NDUFS4: variants seen among roughly 807,000 people sequenced by gnomAD.
NDUFS4 encodes NADH:ubiquinone oxidoreductase subunit S4, also known as NADH dehydrogenase [ubiquinone] iron-sulfur protein 4, mitochondrial.
Under a neutral mutation model 24.3 loss-of-function variants are expected in NDUFS4, and 28 were observed. The observed-to-expected ratio is 1.15, with a 90% CI of 0.85 to 1.58. The LOEUF is 1.58. Among genes scored for constraint, NDUFS4 ranks in the 40% most tolerant of loss-of-function variants. The pLI is 0.00. For synonymous variants in NDUFS4, 93 were observed against 69.7 expected, an observed-to-expected ratio of 1.34 and a Z score of -1.67; for missense variants, 223 against 207.9, an observed-to-expected ratio of 1.07 and a Z score of -0.45.
chr5:53,634,954 C>T (rs569731522), intron 2 of NDUFS4, among the ~76,000 whole-genome samples: 3 of 151,948 alleles, frequency 2.0e-5, no homozygotes, highest in Admixed American at 6.6e-5. Context: ...TTTGGGAGGC[C>T]GAGGCGGGTA....
At chr5:53,623,792 C>G (rs1222391868) in intron 2 of NDUFS4, among the ~76,000 whole-genome samples, 3 of 152,144 alleles carry the variant, frequency 2.0e-5, no homozygotes, top group Admixed American at 2.0e-4. Context: ...AATCTCGGCT[C>G]ACTACAACCT....
At chr5:53,640,860 G>A (rs1391360431) in intron 2 of NDUFS4, among the ~76,000 whole-genome samples, 2 of 152,082 alleles carry the variant, frequency 1.3e-5, no homozygotes, top group Admixed American at 1.3e-4. Context: ...AATATGACAT[G>A]CCTGTAATCA....
chr5:53,580,855 T>C (rs1021697065), intron 1 of NDUFS4, among the ~76,000 whole-genome samples: 2 of 151,714 alleles, frequency 1.3e-5, no homozygotes, highest in Admixed American at 6.6e-5. Context: ...TTCTTTCTTT[T>C]GGAGTTTCGC....
At chr5:53,584,942 A>G (rs1456585101) in intron 1 of NDUFS4, among the ~76,000 whole-genome samples, 2 of 151,592 alleles carry the variant, frequency 1.3e-5, no homozygotes, top group African/African-American at 4.9e-5. Flanking sequence ...TAGTTTTTCT[A>G]TTTTTAGTAG....
chr5:53,601,184 T>C (rs1283092133), intron 1 of NDUFS4, among the ~76,000 whole-genome samples: 3 of 151,960 alleles, frequency 2.0e-5, no homozygotes, highest in Non-Finnish European at 2.9e-5. Flanking sequence ...TTTGTATTTT[T>C]AGTAGAGACG....
chr5:53,591,187 A>T (rs143290579), intron 1 of NDUFS4, among the ~76,000 whole-genome samples: 5 of 152,300 alleles, frequency 3.3e-5, no homozygotes, highest in Non-Finnish European at 5.9e-5. Context: ...GCCAGTGGAC[A>T]GTAGGGTTGC....
intron 1 of NDUFS4, among the ~76,000 whole-genome samples, chr5:53,580,910 G>A (rs892798396): frequency 6.6e-5 from 10 of 150,826 alleles, no homozygotes; most frequent in Middle Eastern, 3.2e-3. Context: ...CTTGGCTCAC[G>A]GCAACCTCTG....
chr5:53,638,840 T>C (rs535937148), intron 2 of NDUFS4, among the ~76,000 whole-genome samples: 7 of 152,250 alleles, frequency 4.6e-5, no homozygotes, highest in African/African-American at 1.7e-4. Flanking sequence ...GAAGACCAAA[T>C]TTCTAGTTTT....
chr5:53,644,891 G>A (rs1751813621), intron 2 of NDUFS4, among the ~76,000 whole-genome samples: 1 of 152,104 alleles, frequency 6.6e-6, no homozygotes, highest in Non-Finnish European at 1.5e-5. Context: ...TAAAGAATTG[G>A]TTTTTAATCT....
intron 1 of NDUFS4, chr5:53,573,470 C>T: frequency 3.2e-6 from 1 of 315,554 alleles, no homozygotes; most frequent in Non-Finnish European, 6.1e-6. Context: ...ATTTATTTAT[C>T]TAATCAGTGT....
rs546573274 is a variant in NDUFS4 at position 53,641,090 on chromosome 5, T to TA, written c.178-5137dup. ...TCAGTGTCTAATATGTAGTAAGTGC[T>TA]AAAAAATACGTTGAATAAATGAGAA... is the stretch of plus-strand genomic sequence containing the variant. On this transcript the variant is annotated intron_variant, in intron 2 of 4. Transcript: ENST00000296684. Among the ~76,000 whole-genome samples, 28 of 152,266 alleles carry TA rather than the reference T, an allele frequency of 1.8e-4. No individual in the cohort carries two copies. The South Asian group carries it at 4.8e-3, about 26-fold the overall frequency.
At chr5:53,652,566 T>C (rs150637227) in intron 3 of NDUFS4, among the ~76,000 whole-genome samples, 247 of 152,302 alleles carry the variant, frequency 1.6e-3, no homozygotes, top group African/African-American at 5.4e-3. Context: ...TGTTATCTGC[T>C]TATCTACAGT....
At chr5:53,600,887 T>A (rs1750292375) in intron 1 of NDUFS4, among the ~76,000 whole-genome samples, 1 of 152,124 alleles carries the variant, frequency 6.6e-6, no homozygotes, top group African/African-American at 2.4e-5. Flanking sequence ...TTACAAAAAA[T>A]TTTTACTGTA....
chr5:53,564,343 A>G (rs897213915), intron 1 of NDUFS4, among the ~76,000 whole-genome samples: 5 of 152,226 alleles, frequency 3.3e-5, no homozygotes, highest in Non-Finnish European at 7.3e-5. Flanking sequence ...TCTACTTCAG[A>G]TAAACTAAAT....
chr5:53,579,335 G>A (rs1212042408), intron 1 of NDUFS4, among the ~76,000 whole-genome samples: 1 of 152,028 alleles, frequency 6.6e-6, no homozygotes, highest in African/African-American at 2.4e-5. Flanking sequence ...AACCATAATA[G>A]CCAAATGAAT....
At chr5:53,576,997 G>T (rs1452603781) in intron 1 of NDUFS4, among the ~76,000 whole-genome samples, 1 of 152,098 alleles carries the variant, frequency 6.6e-6, no homozygotes, top group Non-Finnish European at 1.5e-5. Flanking sequence ...ATTTCTCGGG[G>T]TTTGTGTAGG....
At chr5:53,680,706 G>C (rs1444827025) in intron 4 of NDUFS4, among the ~76,000 whole-genome samples, 1 of 151,798 alleles carries the variant, frequency 6.6e-6, no homozygotes, top group Non-Finnish European at 1.5e-5. Flanking sequence ...GGGGTGGGGG[G>C]AGCGGGGAGG....
At chr5:53,642,168 T>A (rs1048379832) in intron 2 of NDUFS4, among the ~76,000 whole-genome samples, 4 of 152,208 alleles carry the variant, frequency 2.6e-5, no homozygotes, top group Non-Finnish European at 5.9e-5. Flanking sequence ...CAACCGGAAG[T>A]AATTACTAAG....
chr5:53,604,741 G>A (rs1242531292), intron 2 of NDUFS4: 1 of 456,138 alleles, frequency 2.2e-6, no homozygotes, highest in Non-Finnish European at 4.4e-6. Flanking sequence ...TTGTACCACT[G>A]TGTTTTACAT....
Sources: gnomAD v4.1 joint callset for allele counts (sites outside exome capture counted in the v4.1 genomes callset) on GRCh38, gnomAD v4.1.1 for gene constraint, MANE v1.5 for transcripts, NCBI Gene and HGNC (gene_info 2026-07-23, HGNC 2026-07-21) for gene names.